Variants in GUSB observed in about 807,000 individuals in gnomAD.
GUSB encodes the protein beta-glucuronidase.
In GUSB, 51 loss-of-function variants were observed where a neutral mutation model predicts 74.6. That is an observed-to-expected ratio of 0.68 (90% confidence interval 0.55 to 0.86). GUSB has a LOEUF of 0.86. GUSB is among the 40% of genes least tolerant of loss of function. GUSB has a pLI of 0.00. For missense variants in GUSB, 736 were observed against 853.7 expected, an observed-to-expected ratio of 0.86 and a Z score of 1.72; for synonymous variants, 360 against 348.3, an observed-to-expected ratio of 1.03 and a Z score of -0.37.
At position 65,976,335 on chromosome 7, in the gene GUSB, T is replaced by TC. The variant is rs889382524; in HGVS notation, c.725-134_725-133insG. 2.0e-5 allele frequency: 14 copies of TC among 688,032 alleles called. No homozygotes were observed. The African/African-American group carries it at 2.5e-4, about 12-fold the overall frequency. 42.6% of individuals were successfully genotyped at this position (688,032 alleles called of 1,614,324 possible). On this transcript the variant is annotated intron_variant, in intron 4 of 11. Transcript: ENST00000304895. Reference sequence around the variant, plus strand: ...TTTTTTTAAATTTAATTTCTTATTTTTTTTTTTTGAGACGGAGTCTCACTC... The same window carrying TC: ...TTTTTTTAAATTTAATTTCTTATTTTCTTTTTTTTGAGACGGAGTCTCACTC...
At chr7:65,961,827 CCT>C (rs1790518338) in intron 11 of GUSB, among the ~76,000 whole-genome samples, 1 of 152,062 alleles carries the variant, frequency 6.6e-6, no homozygotes. Flanking sequence ...TATGGTGAAA[CCT>C]CATCTCTACT....
intron 4 of GUSB, among the ~76,000 whole-genome samples, chr7:65,976,804 G>A (rs73150003): frequency 4.6e-4 from 70 of 151,986 alleles, no homozygotes; most frequent in Non-Finnish European, 6.9e-4. Flanking sequence ...GTGGTGGTGC[G>A]TGCTTGCAGC....
intron 1 of GUSB, 126 bp from the exon 2 acceptor site, chr7:65,980,535 G>A (rs1043287929): frequency 1.1e-5 from 10 of 880,122 alleles, no homozygotes; most frequent in Non-Finnish European, 1.8e-5. Context: ...TGGCAGAAAG[G>A]ACAGATAACT....
chr7:65,960,829 TTGTTCTGCTGC>T lies in GUSB; in HGVS notation c.*57_*67del. ...CTGCCGTGAACAGTCCAGGAGGCAC[TTGTTCTGCTGC>T]TGTGGAAGTCGCCCTGACTCGGGGA... On this transcript the variant is annotated 3_prime_UTR_variant, in exon 12 of 12. Transcript: ENST00000304895. The T allele has an allele frequency of 1.5e-6, 2 of 1,357,320 alleles. No individual in the cohort carries two copies. The highest frequency in any genetic ancestry group is 2.3e-5 in the East Asian group (1 of 43,648). The allele number at this position is 1,357,320 out of a possible 1,614,324, so 84.1% of individuals were successfully genotyped here.
intron 6 of GUSB, 76 bp downstream of exon 6, chr7:65,974,843 C>T (rs999305370): frequency 6.4e-7 from 1 of 1,568,732 alleles, no homozygotes; most frequent in Non-Finnish European, 8.8e-7. Flanking sequence ...CTGCCCTCAA[C>T]TGCAGGACAC....
Position 65,970,346 on chromosome 7 carries a change from T to G in GUSB, c.1412A>C (p.Lys471Thr), listed in dbSNP as rs1302470051. 6.2e-7 allele frequency: 1 copy of G among 1,612,590 alleles called. No homozygotes were observed. The highest frequency in any genetic ancestry group is 1.7e-5 in the Admixed American group (1 of 59,936). Residue 471 changes from lysine (K) to threonine (T), a missense_variant, in exon 9 of 12, where the codon AAA becomes ACA. By Grantham distance (78) the Lys-to-Thr change is moderately conservative. This residue lies in a region of GUSB where 368 missense variants were observed against 489.9 expected (regional missense o/e 0.75). Transcript: ENST00000304895. ...YYLKMVIAHTKSLDPSRPVTF... is the reference protein window; with the variant it reads ...YYLKMVIAHTTSLDPSRPVTF... ...CACAGGCCGGGAGGGGTCCAAGGAT[T>G]TGGTGTGAGCGATCACCATCCTGTC...
intron 1 of GUSB, 119 bp from the exon 2 acceptor site, chr7:65,980,528 C>A (rs556485334): frequency 1.1e-6 from 1 of 897,914 alleles, no homozygotes. Context: ...GGATTCTTGG[C>A]AGAAAGGACA....
At chr7:65,978,780 AAAG>A (rs1267128920) in intron 4 of GUSB, among the ~76,000 whole-genome samples, 1 of 152,018 alleles carries the variant, frequency 6.6e-6, no homozygotes, top group African/African-American at 2.4e-5. Flanking sequence ...CAAAAAAAAA[AAAG>A]AAGAAAAAAA....
intron 9 of GUSB, 36 bp from the exon 10 acceptor site, chr7:65,967,943 G>C (rs943088549): frequency 2.5e-6 from 4 of 1,571,456 alleles, no homozygotes; most frequent in Non-Finnish European, 2.6e-6. Context: ...TCAGCACTCA[G>C]TAGACAGCAT....
intron 1 of GUSB, 72 bp downstream of exon 1, chr7:65,981,902 C>CG: frequency 1.5e-6 from 2 of 1,319,308 alleles, no homozygotes; most frequent in Non-Finnish European, 2.1e-6. Context: ...AAGAAGTCTG[C>CG]GGGGGGCCCG....
intron 8 of GUSB, among the ~76,000 whole-genome samples, chr7:65,970,996 T>C (rs1036393537): frequency 2.6e-5 from 4 of 151,966 alleles, no homozygotes; most frequent in African/African-American, 4.8e-5. Flanking sequence ...CCTCTAGTCC[T>C]AGACCGAGCT....
chr7:65,982,139 C>T lies in GUSB; in HGVS notation c.45G>A (p.Leu15=), dbSNP rs886062404. The change falls in exon 1 of 12, where the codon TTG becomes TTA. Residue 15 remains leucine (L), a synonymous_variant. Coordinates refer to ENST00000304895, the MANE Select transcript of GUSB (RefSeq NM_000181.4). ...SAVAWAALGP[L]LWGCALGLQG... ...GCAGCCCCAGCGCGCAGCCCCACAA[C>T]AACGGCCCGAGCGCCGCCCAGGCAA... The T allele has an allele frequency of 1.3e-6, 2 of 1,550,838 alleles. No individual in the cohort carries two copies. Among genetic ancestry groups the T allele is most frequent in the Non-Finnish European group, 1.7e-6 (2 of 1,149,078 alleles).
chr7:65,975,226 AC>A, intron 5 of GUSB, 155 bp from the exon 6 acceptor site: 1 of 687,968 alleles, frequency 1.5e-6, no homozygotes, highest in South Asian at 1.6e-5. Context: ...ACCCTGGCTG[AC>A]CCTGGGAACC....
intron 6 of GUSB, 31 bp downstream of exon 6, chr7:65,974,888 C>T: frequency 1.9e-6 from 3 of 1,610,232 alleles, no homozygotes; most frequent in Non-Finnish European, 1.7e-6. Context: ...CCAGAAGCAG[C>T]CCCGACAAGG....
At chr7:65,968,918 GGCA>G (rs1411073573) in intron 9 of GUSB, among the ~76,000 whole-genome samples, 1 of 152,106 alleles carries the variant, frequency 6.6e-6, no homozygotes, top group East Asian at 1.9e-4. Flanking sequence ...GCTTTCACAA[GGCA>G]GCACTGTGGA....
Position 65,982,028 on chromosome 7 carries a change from A to G in GUSB, c.156T>C (p.Ser52=). Reference sequence around the variant, plus strand: ...CCTCGAAGCCCCGGCGTCGGTTGTCAGAGAAGTCGGCGCGGAAGCTCCAGA... The same window carrying G: ...CCTCGAAGCCCCGGCGTCGGTTGTCGGAGAAGTCGGCGCGGAAGCTCCAGA... ...DGLWSFRADF[S]DNRRRGFEEQ... Residue 52 remains serine, a synonymous_variant, in exon 1 of 12, where the codon TCT becomes TCC. Transcript: ENST00000304895. The G allele has an allele frequency of 6.2e-7, 1 of 1,610,486 alleles. No homozygotes were observed. The highest frequency in any genetic ancestry group is 1.1e-5 in the South Asian group (1 of 90,870).
chr7:65,965,774 C>T (rs961654513), intron 10 of GUSB, among the ~76,000 whole-genome samples: 3 of 152,198 alleles, frequency 2.0e-5, no homozygotes, highest in African/African-American at 4.8e-5. Flanking sequence ...ATCCTCTGAC[C>T]TTGGCCTCCC....
At chr7:65,967,619 G>T in intron 10 of GUSB, 112 bp downstream of exon 10, 1 of 912,150 alleles carries the variant, frequency 1.1e-6, no homozygotes. Context: ...TGGGAGGAGA[G>T]CCCAAAGCTG....
chr7:65,970,544 G>T (rs887038863), intron 8 of GUSB, among the ~76,000 whole-genome samples, 178 bp from the exon 9 acceptor site: 7 of 151,904 alleles, frequency 4.6e-5, no homozygotes, highest in African/African-American at 1.4e-4. Context: ...TTGAGGTCAG[G>T]AGTTCAAGAT....
Sources: allele counts gnomAD v4.1 joint callset (sites outside exome capture counted in the v4.1 genomes callset), GRCh38; gene constraint gnomAD v4.1.1; regional missense constraint gnomAD v4.1.1; transcripts MANE v1.5; gene names NCBI Gene and HGNC (gene_info 2026-07-23, HGNC 2026-07-21).